Variants in CAST observed in about 807,000 individuals in gnomAD.
CAST encodes the protein calpastatin.
Under a neutral mutation model 119.6 loss-of-function variants are expected in CAST, and 76 were observed. The observed-to-expected ratio is 0.64, with a 90% CI of 0.53 to 0.77. The LOEUF is 0.77. CAST is among the 30% of genes least tolerant of loss of function. The pLI, the probability that CAST is intolerant of heterozygous loss-of-function variation, is 0.00. For missense variants in CAST, 953 were observed against 946.5 expected, an observed-to-expected ratio of 1.01 and a Z score of -0.09; for synonymous variants, 319 against 331.6, an observed-to-expected ratio of 0.96 and a Z score of 0.41.
chr5:96,620,204 A>C (rs1202035526), intron 1 of CAST, among the ~76,000 whole-genome samples: 1 of 151,934 alleles, frequency 6.6e-6, no homozygotes, highest in Admixed American at 6.6e-5. Context: ...CGACAATCAT[A>C]TGCCCCAAAT....
chr5:96,725,521 C>T (rs573125447), intron 4 of CAST, among the ~76,000 whole-genome samples: 1 of 152,216 alleles, frequency 6.6e-6, no homozygotes, highest in African/African-American at 2.4e-5. Flanking sequence ...TAATACTTGT[C>T]TCATAGGATT....
At chr5:96,741,174 G>A in intron 13 of CAST, 92 bp from the exon 14 acceptor site, 1 of 736,066 alleles carries the variant, frequency 1.4e-6, no homozygotes, top group Non-Finnish European at 2.4e-6. Context: ...AAGGGAATTG[G>A]AAAAGTGCAT....
At chr5:96,337,278 T>C in the CAST span, among the ~76,000 whole-genome samples, 179 of 152,230 alleles carry the variant, frequency 1.2e-3, no homozygotes, top group African/African-American at 4.3e-3. Flanking sequence ...TTTAGCCTGG[T>C]TTCCCCTTTT....
the CAST span, among the ~76,000 whole-genome samples, chr5:96,513,176 G>T: frequency 6.6e-6 from 1 of 152,222 alleles, no homozygotes; most frequent in African/African-American, 2.4e-5. Flanking sequence ...AGCCTGGTTA[G>T]TGGGGGTTGC....
At chr5:96,501,001 G>A in the CAST span, among the ~76,000 whole-genome samples, 1 of 152,206 alleles carries the variant, frequency 6.6e-6, no homozygotes, top group Non-Finnish European at 1.5e-5. Flanking sequence ...TGGCCCCAGG[G>A]ACTGGAGGTG....
chr5:96,188,403 T>C, the CAST span, among the ~76,000 whole-genome samples: 1 of 152,188 alleles, frequency 6.6e-6, no homozygotes, highest in Admixed American at 6.5e-5. Context: ...ATGATTTTCT[T>C]CTCTAAATGT....
chr5:96,421,097 T>C, the CAST span, among the ~76,000 whole-genome samples: 6 of 152,194 alleles, frequency 3.9e-5, no homozygotes, highest in African/African-American at 1.4e-4. Flanking sequence ...ATGGACACTT[T>C]GAGGGTCCAC....
intron 3 of CAST, among the ~76,000 whole-genome samples, chr5:96,700,614 T>C (rs776943801): frequency 5.3e-5 from 8 of 152,192 alleles, no homozygotes; most frequent in Non-Finnish European, 1.0e-4. Flanking sequence ...GGAGACTGAA[T>C]AGTGCAGAAT....
the CAST span, among the ~76,000 whole-genome samples, chr5:96,014,501 T>C: frequency 1.3e-5 from 2 of 152,192 alleles, no homozygotes; most frequent in Admixed American, 1.3e-4. Flanking sequence ...TACATAATTG[T>C]GTGTACTAGA....
chr5:96,066,714 C>T, the CAST span, among the ~76,000 whole-genome samples: 356 of 152,088 alleles, frequency 2.3e-3, 3 homozygotes, highest in Admixed American at 3.7e-3. Context: ...GGCTGGAGTA[C>T]AGTGGTGTGA....
chr5:96,321,403 CAT>C, the CAST span, among the ~76,000 whole-genome samples: 49 of 152,224 alleles, frequency 3.2e-4, no homozygotes, highest in African/African-American at 9.6e-4. Context: ...CCTGCAAACT[CAT>C]AAAACAGTAT....
At chr5:96,164,276 T>A in the CAST span, among the ~76,000 whole-genome samples, 1 of 152,242 alleles carries the variant, frequency 6.6e-6, no homozygotes, top group Non-Finnish European at 1.5e-5. Flanking sequence ...TGTCAATCTC[T>A]GTTCACAGAA....
chr5:96,372,901 A>G, the CAST span, among the ~76,000 whole-genome samples: 1 of 152,118 alleles, frequency 6.6e-6, no homozygotes, highest in East Asian at 1.9e-4. Flanking sequence ...ATCAATTTAT[A>G]CTTAACCCAA....
rs143861503 is a variant in CAST at position 96,572,741 on chromosome 5, G to A, written c.60+42861G>A. 2.0e-5 allele frequency among the ~76,000 whole-genome samples: 3 copies of A among 152,260 alleles called. No homozygotes were observed. The East Asian group carries it at 5.8e-4, about 29-fold the overall frequency. ...GTCCCTGGGCTGAAAAATAAAGCTT[G>A]CTTGTGCTGGTCTCTACACCTTGGG... On this transcript the variant is annotated intron_variant, in intron 1 of 11. Transcript: ENST00000505143.
the CAST span, among the ~76,000 whole-genome samples, chr5:96,364,925 A>G: frequency 6.6e-6 from 1 of 152,132 alleles, no homozygotes; most frequent in Admixed American, 6.5e-5. Flanking sequence ...TAGGGTGTCA[A>G]TTTTAGATCT....
chr5:96,353,830 A>G, the CAST span, among the ~76,000 whole-genome samples: 7 of 152,318 alleles, frequency 4.6e-5, 1 homozygote, highest in South Asian at 1.4e-3. Context: ...CTCAACCTCC[A>G]TAATTGCATG....
At chr5:96,006,430 A>G in the CAST span, among the ~76,000 whole-genome samples, 2 of 152,002 alleles carry the variant, frequency 1.3e-5, no homozygotes, top group Admixed American at 6.6e-5. Context: ...GTGTTGGGCC[A>G]CATTCCAAGC....
At chr5:96,448,503 C>T in the CAST span, among the ~76,000 whole-genome samples, 4 of 152,296 alleles carry the variant, frequency 2.6e-5, no homozygotes, top group East Asian at 1.9e-4. Flanking sequence ...AAACAGTTTC[C>T]GTGCCCCCTA....
chr5:96,669,123 T>C (rs1434401700), intron 1 of CAST, among the ~76,000 whole-genome samples: 3 of 152,226 alleles, frequency 2.0e-5, no homozygotes, highest in Non-Finnish European at 4.4e-5. Flanking sequence ...ACAGCAGAAG[T>C]GGAACAAGGA....
Sources: allele counts gnomAD v4.1 joint callset (sites outside exome capture counted in the v4.1 genomes callset), GRCh38; gene constraint gnomAD v4.1.1; transcripts MANE v1.5; gene names NCBI Gene and HGNC (gene_info 2026-07-23, HGNC 2026-07-21).